CC2D2B: variants seen among roughly 807,000 people sequenced by gnomAD.
CC2D2B encodes the protein protein CC2D2B.
A neutral mutation model predicts 161.2 loss-of-function variants in CC2D2B; 128 were observed. That is an observed-to-expected ratio of 0.79 (90% CI 0.69 to 0.92). The LOEUF (loss-of-function observed/expected upper bound fraction) is 0.92. CC2D2B is among the 40% of genes least tolerant of loss of function. CC2D2B has a pLI of 0.00. For missense variants in CC2D2B, 1,173 were observed against 1,375.1 expected (o/e 0.85, Z 2.32); for synonymous variants, 391 against 449.8 (o/e 0.87, Z 1.65).
At chr10:95,979,072 C>G (rs2077417044) in intron 17 of CC2D2B, among the ~76,000 whole-genome samples, 1 of 151,700 alleles carries the variant, frequency 6.6e-6, no homozygotes, top group African/African-American at 2.4e-5. Flanking sequence ...GATTATTTTT[C>G]TGAGCATGGC....
chr10:95,998,164 G>T (rs1162238513), intron 24 of CC2D2B, among the ~76,000 whole-genome samples: 1 of 151,732 alleles, frequency 6.6e-6, no homozygotes, highest in Non-Finnish European at 1.5e-5. Context: ...GAAGTACAGA[G>T]TTCCCACAAA....
intron 30 of CC2D2B, among the ~76,000 whole-genome samples, chr10:96,017,451 G>A (rs1362249357): frequency 6.6e-6 from 1 of 152,106 alleles, no homozygotes; most frequent in Admixed American, 6.5e-5. Flanking sequence ...AGTACCTGTG[G>A]ACCAACACTG....
Position 96,021,410 on chromosome 10 carries a change from A to G in CC2D2B, c.3888+1586A>G, listed in dbSNP as rs573496077. 1.1e-3 allele frequency: 170 copies of G among 152,364 alleles called. 1 individual carries two copies. The highest frequency in any genetic ancestry group is 3.8e-3 in the African/African-American group (160 of 41,588). The allele number at this position is 152,364 out of a possible 1,614,324, so 9.4% of individuals were successfully genotyped here. On this transcript the variant is annotated intron_variant, in intron 32 of 34. Coordinates refer to ENST00000646931, the MANE Select transcript of CC2D2B (RefSeq NM_001349008.3). ...TCTTCTGTACAGCAGTAAAAGATGA[A>G]TGAACTGAGCCAATTTACAGTTGTT...
chr10:95,938,174 C>G lies in CC2D2B; in HGVS notation c.520C>G (p.Pro174Ala). ...AAAACAGAAGGCAAATATTTTTGTA[C>G]CAAGTAGTTCTCCAGGTAACATTCT... ...IKKQKANIFV[P>A]SSSPVVNQRK... is the part of the protein sequence containing the mutation. Residue 174 changes from proline (P) to alanine (A), a missense_variant, in exon 7 of 35, where the codon CCA (proline) becomes GCA (alanine). Transcript: ENST00000646931. 6.5e-7 allele frequency: 1 copy of G among 1,545,952 alleles called. No homozygotes were observed. The highest frequency in any genetic ancestry group is 8.7e-7 in the Non-Finnish European group (1 of 1,142,910).
chr10:95,986,770 T>C (rs2077746058), intron 19 of CC2D2B, among the ~76,000 whole-genome samples: 1 of 151,968 alleles, frequency 6.6e-6, no homozygotes, highest in Admixed American at 6.6e-5. Flanking sequence ...CTAATTTTTG[T>C]ATTTTTGGTA....
At chr10:95,964,772 C>G (rs7907620) in intron 12 of CC2D2B, among the ~76,000 whole-genome samples, 89,440 of 151,850 alleles carry the variant, frequency 0.59, 26,897 homozygotes, top group Admixed American at 0.66. Flanking sequence ...GCATATAATA[C>G]CTTTTAAACA....
chr10:95,947,115 T>TATATATATATATATATATATA (rs1564609188), intron 9 of CC2D2B, among the ~76,000 whole-genome samples: 4 of 26,228 alleles, frequency 1.5e-4, no homozygotes, highest in Admixed American at 6.8e-4. Context: ...ATATATATAT[T>TATATATATATATATATATATA]TTTTTTTTTT....
rs1590884696 is a variant in CC2D2B, at chr10:96,013,893, T to TTA, written c.3516+25_3516+26dup. 1.6e-6 allele frequency: 2 copies of TTA among 1,275,452 alleles called. No homozygotes were observed. Among genetic ancestry groups the TTA allele is most frequent in the East Asian group, 5.5e-5 (2 of 36,674 alleles). 79.0% of individuals were successfully genotyped at this position (1,275,452 alleles called of 1,614,324 possible). On this transcript the variant is annotated intron_variant, in intron 29 of 34. Coordinates refer to ENST00000646931, the MANE Select transcript of CC2D2B (RefSeq NM_001349008.3). The stretch of plus-strand genomic sequence containing the variant: ...GACATCAGAGGTAATAAATTACATT[T>TTA]TATATATATAATTGAAATATATAGT...
Position 95,907,988 on chromosome 10 carries a change from C to T in CC2D2B, c.-93C>T, listed in dbSNP as rs2098498996. 1 of 152,338 alleles carries T rather than the reference C, an allele frequency of 6.6e-6. No individual in the cohort carries two copies. Among genetic ancestry groups the T allele is most frequent in the Non-Finnish European group, 1.5e-5 (1 of 68,156 alleles). 9.4% of individuals were successfully genotyped at this position (152,338 alleles called of 1,614,324 possible). On this transcript the variant is annotated 5_prime_UTR_variant, in exon 1 of 35. Transcript: ENST00000646931. ...GTGCGGTGGGGCGGTTGGTGATCAT[C>T]CTAGCCTGCGGTAGATGGTGCGCCC...
At chr10:95,999,769 ACC>A in intron 24 of CC2D2B, 1 of 223,454 alleles carries the variant, frequency 4.5e-6, no homozygotes, top group Non-Finnish European at 8.7e-6. Flanking sequence ...TTTTTTTAAC[ACC>A]AATTATGCCA....
At chr10:95,909,606 CA>C (rs2098502438) in intron 1 of CC2D2B, among the ~76,000 whole-genome samples, 1 of 152,080 alleles carries the variant, frequency 6.6e-6, no homozygotes, top group African/African-American at 2.4e-5. Flanking sequence ...TAACAAGAGC[CA>C]GGGGAAGATT....
chr10:96,021,944 A>T (rs2079480460), intron 32 of CC2D2B, among the ~76,000 whole-genome samples: 1 of 152,344 alleles, frequency 6.6e-6, no homozygotes, highest in South Asian at 2.1e-4. Flanking sequence ...GCCTGTATAG[A>T]TTCAAGGCAA....
intron 24 of CC2D2B, chr10:96,000,016 G>C (rs907236442): frequency 8.4e-6 from 11 of 1,313,152 alleles, no homozygotes; most frequent in Non-Finnish European, 1.1e-5. Flanking sequence ...GCCCTTCTTT[G>C]TTTACAACAA....
intron 33 of CC2D2B, 104 bp downstream of exon 33, chr10:96,025,015 T>A: frequency 1.6e-6 from 1 of 626,328 alleles, no homozygotes. Context: ...AAAAAGGAGT[T>A]TATAATATTT....
chr10:95,986,472 G>C (rs1564642062), intron 19 of CC2D2B, among the ~76,000 whole-genome samples: 2 of 151,250 alleles, frequency 1.3e-5, no homozygotes, highest in Non-Finnish European at 2.9e-5. Flanking sequence ...CATCAGAAAA[G>C]AAATAAATAC....
At chr10:95,976,362 T>G (rs1340073632) in intron 17 of CC2D2B, among the ~76,000 whole-genome samples, 2 of 152,194 alleles carry the variant, frequency 1.3e-5, no homozygotes, top group East Asian at 3.8e-4. Flanking sequence ...GTCTTACAAT[T>G]CCTATTACTT....
chr10:95,974,209 A>C, intron 17 of CC2D2B, 53 bp downstream of exon 17: 1 of 1,012,784 alleles, frequency 9.9e-7, no homozygotes, highest in Non-Finnish European at 1.3e-6. Flanking sequence ...AAAGCATCAC[A>C]CAAAACATAT....
chr10:95,926,844 GTGTC>G (rs1368506418), intron 5 of CC2D2B, among the ~76,000 whole-genome samples: 10,274 of 143,164 alleles, frequency 0.072, 400 homozygotes, highest in Middle Eastern at 0.15. Flanking sequence ...GTGTGTGTGT[GTGTC>G]TGTGTGTGTG....
At chr10:96,019,362 T>C in intron 31 of CC2D2B, 25 bp downstream of exon 31, 1 of 1,591,062 alleles carries the variant, frequency 6.3e-7, no homozygotes, top group Non-Finnish European at 8.5e-7. Flanking sequence ...AAAAAAAATC[T>C]TGAGTTATCT....
Sources: allele counts gnomAD v4.1 joint callset (sites outside exome capture counted in the v4.1 genomes callset), GRCh38; gene constraint gnomAD v4.1.1; transcripts MANE v1.5; gene names NCBI Gene and HGNC (gene_info 2026-07-23, HGNC 2026-07-21).